Variants in SCYL3 observed in about 807,000 individuals in gnomAD.
SCYL3 encodes SCY1 like pseudokinase 3, also known as protein-associating with the carboxyl-terminal domain of ezrin.
Under a neutral mutation model 73.8 loss-of-function variants are expected in SCYL3, and 35 were observed. That is an observed-to-expected ratio of 0.47 (90% CI 0.36 to 0.63). The LOEUF (loss-of-function observed/expected upper bound fraction) is 0.63, where lower values mean the gene tolerates loss of function less well. Among genes scored for constraint, SCYL3 ranks in the 20% least tolerant of loss-of-function variants. SCYL3 has a pLI of 0.00. For missense variants in SCYL3, 712 were observed against 798.9 expected (o/e 0.89, Z 1.31); for synonymous variants, 277 against 295.2 (o/e 0.94, Z 0.63).
At position 169,852,109 on chromosome 1, in the gene SCYL3, G is replaced by C; in HGVS notation, c.*1604C>G. 1.3e-6 allele frequency: 1 copy of C among 770,436 alleles called. No individual in the cohort carries two copies. Among genetic ancestry groups the C allele is most frequent in the Non-Finnish European group, 2.1e-6 (1 of 470,158 alleles). 47.7% of individuals were successfully genotyped at this position (770,436 alleles called of 1,614,324 possible). A position where few individuals can be genotyped will look rare whatever the true frequency, so the allele number is the denominator to read the frequency against. On this transcript the variant is annotated 3_prime_UTR_variant, in exon 13 of 13. Coordinates refer to ENST00000367771, the MANE Select transcript of SCYL3 (RefSeq NM_020423.7). ...AGTTGCTTTTAAAATTAAGAAGTGG[G>C]ACTACACCATATCAAATATATTCTT...
Position 169,882,231 on chromosome 1 carries a change from G to A in SCYL3, c.166-3412C>T, listed in dbSNP as rs529529915. ...CAGCCGGCAGGCCCTGCCACCCGGGGCAATGAGGTGCTTAGCACCTGGGAC... is the reference window on the plus strand; with the variant it reads ...CAGCCGGCAGGCCCTGCCACCCGGGACAATGAGGTGCTTAGCACCTGGGAC... On this transcript the variant is annotated intron_variant, in intron 2 of 12. Transcript: ENST00000367771. 1.2e-3 allele frequency among the ~76,000 whole-genome samples: 180 copies of A among 152,368 alleles called. 1 individual carries two copies. In the South Asian group the frequency reaches 0.021, roughly 18 times the overall value.
intron 8 of SCYL3, 113 bp from the exon 9 acceptor site, chr1:169,864,621 G>T: frequency 9.0e-7 from 1 of 1,106,092 alleles, no homozygotes; most frequent in Non-Finnish European, 1.3e-6. Context: ...TGATGCATTT[G>T]AAATGGAGAT....
intron 2 of SCYL3, among the ~76,000 whole-genome samples, chr1:169,888,303 C>T (rs1034526589): frequency 6.6e-6 from 1 of 152,232 alleles, no homozygotes; most frequent in African/African-American, 2.4e-5. Flanking sequence ...AAGGAGGAAG[C>T]TGAAGCCTCC....
chr1:169,873,603 G>A, intron 5 of SCYL3, 93 bp downstream of exon 5: 1 of 766,394 alleles, frequency 1.3e-6, no homozygotes, highest in South Asian at 1.8e-5. Context: ...CTATAACTCA[G>A]TAAAGAAAGG....
At chr1:169,881,529 C>A (rs370719465) in intron 2 of SCYL3, among the ~76,000 whole-genome samples, 11 of 152,248 alleles carry the variant, frequency 7.2e-5, no homozygotes, top group African/African-American at 2.6e-4. Flanking sequence ...GATCTTATAT[C>A]TTCTATCTTG....
intron 10 of SCYL3, 63 bp from the exon 11 acceptor site, chr1:169,859,275 A>C: frequency 6.8e-7 from 1 of 1,478,362 alleles, no homozygotes. Context: ...TTCCCCTGTA[A>C]ATGAGCAATT....
intron 1 of SCYL3, among the ~76,000 whole-genome samples, chr1:169,890,865 AT>A (rs1179998714): frequency 6.6e-6 from 1 of 152,246 alleles, no homozygotes; most frequent in Non-Finnish European, 1.5e-5. Context: ...TAAAAAGTTT[AT>A]GTGGGACCAT....
intron 8 of SCYL3, 150 bp from the exon 9 acceptor site, chr1:169,864,658 A>G (rs945114663): frequency 1.2e-6 from 1 of 843,758 alleles, no homozygotes; most frequent in Non-Finnish European, 1.8e-6. Context: ...TTGGTCCCCA[A>G]GTACTTAAGA....
chr1:169,879,994 T>G (rs1376868057), intron 2 of SCYL3, among the ~76,000 whole-genome samples: 1 of 151,998 alleles, frequency 6.6e-6, no homozygotes, highest in Non-Finnish European at 1.5e-5. Context: ...GGGGCCAGGT[T>G]TGGGGACTCA....
At chr1:169,862,921 TTTTC>T in intron 9 of SCYL3, 124 bp from the exon 10 acceptor site, 1 of 951,554 alleles carries the variant, frequency 1.1e-6, no homozygotes, top group Non-Finnish European at 1.5e-6. Flanking sequence ...TAAATTCTTT[TTTTC>T]TTTTTGAGAT....
chr1:169,862,546 A>C, intron 10 of SCYL3, 67 bp downstream of exon 10: 1 of 1,480,208 alleles, frequency 6.8e-7, no homozygotes, highest in Non-Finnish European at 9.4e-7. Context: ...AATACCTCCA[A>C]AACTCTTTCT....
chr1:169,891,807 AT>A (rs1354761251), intron 1 of SCYL3, among the ~76,000 whole-genome samples: 2 of 152,226 alleles, frequency 1.3e-5, no homozygotes, highest in Non-Finnish European at 2.9e-5. Context: ...TTACTTAGCT[AT>A]TTCTAAATAG....
chr1:169,873,791 T>C lies in SCYL3; in HGVS notation c.466-39A>G, dbSNP rs1260829456. 2.8e-6 allele frequency: 4 copies of C among 1,453,144 alleles called. No individual in the cohort carries two copies. The South Asian group carries it at 4.7e-5, about 17-fold the overall frequency. The allele number at this position is 1,453,144 out of a possible 1,614,324, so 90.0% of individuals were successfully genotyped here. ...TAAATTAAAGAAAATGATTCATACA[T>C]ATGTTTGGTGAACTAATCTCTTACA... On this transcript the variant is annotated intron_variant, in intron 4 of 12. Transcript: ENST00000367771.
At chr1:169,869,251 T>C (rs1660238177) in intron 6 of SCYL3, 1 of 545,816 alleles carries the variant, frequency 1.8e-6, no homozygotes, top group Admixed American at 3.1e-5. Flanking sequence ...CCACCCCAGG[T>C]GCCATTCCCT....
intron 8 of SCYL3, 91 bp downstream of exon 8, chr1:169,866,805 A>G (rs1292410612): frequency 2.7e-6 from 2 of 751,130 alleles, no homozygotes; most frequent in Admixed American, 2.8e-5. Context: ...AATAAACCAA[A>G]TATATGACTC....
intron 11 of SCYL3, among the ~76,000 whole-genome samples, chr1:169,857,496 A>AGAT (rs1163266265): frequency 1.3e-5 from 2 of 152,262 alleles, no homozygotes; most frequent in African/African-American, 4.8e-5. Context: ...CCAACTGGAA[A>AGAT]GATACACGTG....
intron 2 of SCYL3, among the ~76,000 whole-genome samples, chr1:169,886,162 T>G (rs780660558): frequency 3.3e-5 from 5 of 152,096 alleles, no homozygotes; most frequent in Non-Finnish European, 7.4e-5. Flanking sequence ...AATTCAAAAA[T>G]GAGCTGGGTG....
intron 1 of SCYL3, among the ~76,000 whole-genome samples, chr1:169,889,853 A>G (rs1661950773): frequency 6.6e-6 from 1 of 152,244 alleles, no homozygotes. Flanking sequence ...TGTTTTGAAA[A>G]GAAATATATG....
At chr1:169,862,294 C>T (rs375560225) in intron 10 of SCYL3, among the ~76,000 whole-genome samples, 26 of 152,280 alleles carry the variant, frequency 1.7e-4, no homozygotes, top group African/African-American at 6.3e-4. Flanking sequence ...CCTCTCTGTT[C>T]TAATTTAATT....
Sources: gnomAD v4.1 joint callset for allele counts (sites outside exome capture counted in the v4.1 genomes callset) on GRCh38, gnomAD v4.1.1 for gene constraint, MANE v1.5 for transcripts, NCBI Gene and HGNC (gene_info 2026-07-23, HGNC 2026-07-21) for gene names.